PCDH15: variants seen among roughly 807,000 people sequenced by gnomAD.
PCDH15 encodes protocadherin-15.
PCDH15 carries 129 observed loss-of-function variants against 178.5 expected under a neutral mutation model. The observed-to-expected ratio is 0.72, with a 90% CI of 0.63 to 0.84. The LOEUF (loss-of-function observed/expected upper bound fraction) is 0.84, where lower values mean the gene tolerates loss of function less well. PCDH15 is among the 40% of genes least tolerant of loss of function. The pLI, the probability that PCDH15 is intolerant of heterozygous loss-of-function variation, is 0.00. For missense variants in PCDH15, 2,230 were observed against 2,099.9 expected, an observed-to-expected ratio of 1.06 and a Z score of -1.21; for synonymous variants, 800 against 732.0, an observed-to-expected ratio of 1.09 and a Z score of -1.50.
intron 1 of PCDH15, among the ~76,000 whole-genome samples, chr10:55,273,345 A>T (rs1421304355): frequency 1.3e-5 from 2 of 152,082 alleles, no homozygotes; most frequent in East Asian, 3.9e-4. Flanking sequence ...AATGAATGAA[A>T]CACCTCTTAC....
chr10:54,347,104 C>A (rs1943419708), intron 5 of PCDH15, among the ~76,000 whole-genome samples: 1 of 152,158 alleles, frequency 6.6e-6, no homozygotes, highest in South Asian at 2.1e-4. Flanking sequence ...GTGTGGCATA[C>A]AAAACCATGA....
chr10:54,914,324 C>T (rs1372042733), intron 2 of PCDH15, among the ~76,000 whole-genome samples: 1 of 152,112 alleles, frequency 6.6e-6, no homozygotes, highest in East Asian at 1.9e-4. Context: ...TTTGCTCTCT[C>T]TTTTTCCTGC....
chr10:55,108,708 T>TAA (rs35620650), intron 2 of PCDH15, among the ~76,000 whole-genome samples: 65 of 144,454 alleles, frequency 4.5e-4, no homozygotes, highest in African/African-American at 1.5e-3. Context: ...GGTTTCCAAA[T>TAA]AAAAAAAAAA....
At chr10:53,840,565 C>A (rs2077582169) in intron 28 of PCDH15, 69 bp from the exon 29 acceptor site, 4 of 1,379,776 alleles carry the variant, frequency 2.9e-6, no homozygotes, top group Non-Finnish European at 4.1e-6. Flanking sequence ...TTACTCTTAA[C>A]TTGAAAAGAC....
In PCDH15 at chr10:55,325,051, A is replaced by T. The variant is rs1843995137; in HGVS notation, c.-155-158400T>A. On this transcript the variant is annotated intron_variant, in intron 2 of 5. Transcript: ENST00000613346. ...ATCTCTACAACAAGAATTACAAAAC[A>T]TTACTCAAAAAAATAGGAAATGACA... 2.6e-5 allele frequency among the ~76,000 whole-genome samples: 4 copies of T among 152,100 alleles called. No homozygotes were observed. The South Asian group carries it at 8.3e-4, about 32-fold the overall frequency.
intron 1 of PCDH15, among the ~76,000 whole-genome samples, chr10:54,666,113 C>T (rs556003467): frequency 6.6e-5 from 10 of 152,032 alleles, no homozygotes; most frequent in African/African-American, 2.4e-4. Flanking sequence ...AATATAAATA[C>T]GTGCTTAATG....
intron 21 of PCDH15, among the ~76,000 whole-genome samples, chr10:53,980,332 T>C (rs2090532140): frequency 6.6e-6 from 1 of 152,126 alleles, no homozygotes; most frequent in South Asian, 2.1e-4. Flanking sequence ...AAACAAAAAG[T>C]CTTCCTAATT....
intron 2 of PCDH15, among the ~76,000 whole-genome samples, chr10:55,124,711 C>A (rs1376802232): frequency 6.6e-6 from 1 of 151,952 alleles, no homozygotes; most frequent in East Asian, 1.9e-4. Context: ...AATTTCTAGG[C>A]AATATATTGA....
In PCDH15 at chr10:54,868,171, A is replaced by C. The variant is rs538024576; in HGVS notation, c.-29+29279T>G. Among the ~76,000 whole-genome samples, 5 of 152,286 alleles carry C rather than the reference A, an allele frequency of 3.3e-5. No homozygotes were observed. The East Asian group carries it at 7.7e-4, about 24-fold the overall frequency. On this transcript the variant is annotated intron_variant, in intron 3 of 5. Transcript: ENST00000458638. ...TAATAAAGTGAAATTGAAACAAACA[A>C]AAAATAGTATGACACACACCGCAAA...
chr10:54,193,671 C>G (rs755630103), intron 11 of PCDH15, among the ~76,000 whole-genome samples: 17 of 152,128 alleles, frequency 1.1e-4, no homozygotes, highest in Non-Finnish European at 1.9e-4. Flanking sequence ...ATTCTCTTGA[C>G]TGGCATATGA....
At chr10:54,368,904 T>A (rs1223779669) in intron 5 of PCDH15, among the ~76,000 whole-genome samples, 3 of 152,026 alleles carry the variant, frequency 2.0e-5, no homozygotes, top group Admixed American at 6.6e-5. Flanking sequence ...AAATATCTAT[T>A]ATTATAAATA....
intron 1 of PCDH15, among the ~76,000 whole-genome samples, chr10:54,740,348 T>C (rs537905370): frequency 9.9e-5 from 15 of 151,878 alleles, no homozygotes; most frequent in African/African-American, 3.6e-4. Context: ...CCAGTTAAAG[T>C]AGCTATAATT....
intron 2 of PCDH15, among the ~76,000 whole-genome samples, chr10:55,501,631 A>G (rs1055408924): frequency 6.6e-6 from 1 of 151,776 alleles, no homozygotes; most frequent in African/African-American, 2.4e-5. Context: ...TGAAATCTTA[A>G]AGCTGCCAAG....
chr10:55,047,637 T>G (rs2131984231), intron 2 of PCDH15, among the ~76,000 whole-genome samples: 1 of 151,816 alleles, frequency 6.6e-6, no homozygotes, highest in South Asian at 2.1e-4. Context: ...CTTTAAGAGG[T>G]TTGAGTAGGA....
chr10:54,786,751 C>T (rs1052970892), intron 1 of PCDH15, among the ~76,000 whole-genome samples: 2 of 151,726 alleles, frequency 1.3e-5, no homozygotes, highest in African/African-American at 2.4e-5. Flanking sequence ...ATCATTTAGT[C>T]TTCAATATAT....
chr10:55,167,959 T>C (rs114358710), intron 1 of PCDH15, among the ~76,000 whole-genome samples: 56 of 152,274 alleles, frequency 3.7e-4, no homozygotes, highest in African/African-American at 1.3e-3. Flanking sequence ...TTTCTTTTCA[T>C]AGATATATAA....
At chr10:54,067,354 G>A (rs944831082) in intron 17 of PCDH15, among the ~76,000 whole-genome samples, 23 of 152,118 alleles carry the variant, frequency 1.5e-4, no homozygotes, top group African/African-American at 4.6e-4. Context: ...TCATGCTATC[G>A]AAAAATGCTA....
intron 8 of PCDH15, among the ~76,000 whole-genome samples, chr10:54,273,547 A>G (rs1205322631): frequency 6.6e-6 from 1 of 152,122 alleles, no homozygotes. Flanking sequence ...AATGAGCACA[A>G]GAAAACATTA....
chr10:54,659,295 C>T (rs2094454534), intron 2 of PCDH15, among the ~76,000 whole-genome samples: 1 of 152,188 alleles, frequency 6.6e-6, no homozygotes, highest in Admixed American at 6.5e-5. Flanking sequence ...TAGACATCTA[C>T]AGAACATACC....
Sources: gnomAD v4.1 joint callset for allele counts (sites outside exome capture counted in the v4.1 genomes callset) on GRCh38, gnomAD v4.1.1 for gene constraint, MANE v1.5 for transcripts, NCBI Gene and HGNC (gene_info 2026-07-23, HGNC 2026-07-21) for gene names.